AUTS2: variants seen among roughly 807,000 people sequenced by gnomAD.
AUTS2 encodes activator of transcription and developmental regulator AUTS2.
In AUTS2, 17 loss-of-function variants were observed where a neutral mutation model predicts 112.4. The observed-to-expected ratio is 0.15, with a 90% CI of 0.10 to 0.23. The LOEUF (loss-of-function observed/expected upper bound fraction) is 0.23. Ranked by LOEUF, AUTS2 falls within the 10% of genes least tolerant of loss-of-function variation. The pLI is 1.00. For synonymous variants in AUTS2, 751 were observed against 702.7 expected, an observed-to-expected ratio of 1.07 and a Z score of -1.09; for missense variants, 1,510 against 1,701.6, an observed-to-expected ratio of 0.89 and a Z score of 1.98.
chr7:70,057,417 T>G (rs1240784029), intron 2 of AUTS2, among the ~76,000 whole-genome samples: 1 of 151,892 alleles, frequency 6.6e-6, no homozygotes, highest in Non-Finnish European at 1.5e-5. Flanking sequence ...GATAATGGAG[T>G]AGTAGGTCTC....
At chr7:69,815,665 C>T (rs1772985692) in intron 1 of AUTS2, among the ~76,000 whole-genome samples, 1 of 152,154 alleles carries the variant, frequency 6.6e-6, no homozygotes, top group Admixed American at 6.5e-5. Flanking sequence ...CAGGCACATG[C>T]CACCATGCCC....
chr7:69,896,503 C>T (rs1214790238), intron 1 of AUTS2, among the ~76,000 whole-genome samples: 1 of 151,824 alleles, frequency 6.6e-6, no homozygotes, highest in African/African-American at 2.4e-5. Flanking sequence ...TTGCTGTTTG[C>T]TGTGATCCTT....
At chr7:70,059,738 C>T (rs1802157181) in intron 2 of AUTS2, among the ~76,000 whole-genome samples, 2 of 152,024 alleles carry the variant, frequency 1.3e-5, no homozygotes, top group Non-Finnish European at 2.9e-5. Flanking sequence ...GTTATGTTTT[C>T]GATGCCTTCG....
intron 4 of AUTS2, among the ~76,000 whole-genome samples, chr7:70,405,371 A>C (rs994384384): frequency 1.3e-5 from 2 of 152,208 alleles, no homozygotes; most frequent in African/African-American, 4.8e-5. Flanking sequence ...GACATGTTTC[A>C]TGGCGTTCGT....
Position 69,859,771 on chromosome 7 carries a change from C to T in AUTS2, c.310-39515C>T, listed in dbSNP as rs1361082026. On this transcript the variant is annotated intron_variant, in intron 1 of 18. Transcript: ENST00000342771. ...AGTTGCTCTGCTAAAATCCTCTGTT[C>T]TGTCAAGCCTGTCAGAGCCAGAGTG... Among the ~76,000 whole-genome samples, 3 of 152,152 alleles carry T rather than the reference C, an allele frequency of 2.0e-5. No individual in the cohort carries two copies. The South Asian group carries it at 6.2e-4, about 32-fold the overall frequency.
intron 1 of AUTS2, among the ~76,000 whole-genome samples, chr7:69,664,703 C>T (rs1795951686): frequency 2.6e-5 from 4 of 152,154 alleles, no homozygotes; most frequent in Admixed American, 6.5e-5. Flanking sequence ...GGCATCGCCC[C>T]AAACCCCCTG....
At chr7:70,483,044 G>C (rs1797852173) in intron 5 of AUTS2, among the ~76,000 whole-genome samples, 1 of 152,092 alleles carries the variant, frequency 6.6e-6, no homozygotes, top group African/African-American at 2.4e-5. Context: ...TTGTGTGGGG[G>C]GTTGGAGATG....
In AUTS2 at chr7:70,151,898, A is replaced by G. The variant is rs575315243; in HGVS notation, c.660+17327A>G. Among the ~76,000 whole-genome samples the G allele has an allele frequency of 2.6e-5, 4 of 152,336 alleles. No individual in the cohort carries two copies. The East Asian group carries it at 5.8e-4, about 22-fold the overall frequency. ...GAATAAGACCCATAATGAAGAGGAA[A>G]TCAGTCAATCAGAACTGAATCAGAT... On this transcript the variant is annotated intron_variant, in intron 4 of 18. Coordinates refer to ENST00000342771, the MANE Select transcript of AUTS2 (RefSeq NM_015570.4).
intron 2 of AUTS2, among the ~76,000 whole-genome samples, chr7:70,060,427 T>C (rs941962521): frequency 2.0e-5 from 3 of 152,196 alleles, no homozygotes; most frequent in Admixed American, 2.0e-4. Context: ...TGTTAGACTC[T>C]ACCCCAGAAG....
At position 70,606,596 on chromosome 7, in the gene AUTS2, C is replaced by A. The variant is rs190186103; in HGVS notation, c.691-91973C>A. On this transcript the variant is annotated intron_variant, in intron 5 of 18. Coordinates refer to ENST00000342771, the MANE Select transcript of AUTS2 (RefSeq NM_015570.4). ...TTTCTTGGGGCCAGACGTGGTGGCT[C>A]ACGCCTGTAATCTCAGCACTTTGGG... Among the ~76,000 whole-genome samples, 9 of 152,288 alleles carry A rather than the reference C, an allele frequency of 5.9e-5. No individual in the cohort carries two copies. In the East Asian group the frequency reaches 1.7e-3, roughly 29 times the overall value.
At chr7:70,718,014 G>T (rs1231444417) in intron 6 of AUTS2, among the ~76,000 whole-genome samples, 1 of 152,084 alleles carries the variant, frequency 6.6e-6, no homozygotes, top group Non-Finnish European at 1.5e-5. Context: ...TTTGTACATT[G>T]CAACCTTAGC....
At chr7:69,665,253 T>C (rs758073944) in intron 1 of AUTS2, among the ~76,000 whole-genome samples, 1 of 152,150 alleles carries the variant, frequency 6.6e-6, no homozygotes, top group Non-Finnish European at 1.5e-5. Flanking sequence ...TGGATTTGGG[T>C]CATGGTGCTG....
At chr7:70,646,481 C>G (rs1806166757) in intron 5 of AUTS2, among the ~76,000 whole-genome samples, 1 of 152,240 alleles carries the variant, frequency 6.6e-6, no homozygotes, top group Admixed American at 6.5e-5. Flanking sequence ...AGTCAAATGT[C>G]AGAGGCCATT....
chr7:70,743,524 A>G (rs985333731), intron 6 of AUTS2, among the ~76,000 whole-genome samples: 3 of 151,132 alleles, frequency 2.0e-5, no homozygotes, highest in African/African-American at 4.9e-5. Flanking sequence ...CAAAGTGGCT[A>G]TTCCTCAGAC....
chr7:70,261,616 A>C (rs1261949975), intron 4 of AUTS2, among the ~76,000 whole-genome samples: 1 of 152,242 alleles, frequency 6.6e-6, no homozygotes, highest in African/African-American at 2.4e-5. Flanking sequence ...CAAAACATTT[A>C]TATGAACATA....
At chr7:69,954,979 C>T (rs1322001046) in intron 2 of AUTS2, among the ~76,000 whole-genome samples, 1 of 152,180 alleles carries the variant, frequency 6.6e-6, no homozygotes, top group Non-Finnish European at 1.5e-5. Flanking sequence ...GGAACTTCTA[C>T]ATAAATCAAC....
intron 2 of AUTS2, among the ~76,000 whole-genome samples, chr7:69,985,348 G>A (rs1798466655): frequency 6.6e-6 from 1 of 152,042 alleles, no homozygotes; most frequent in Non-Finnish European, 1.5e-5. Flanking sequence ...TGCCTTCACG[G>A]TGCCTCTGAC....
At chr7:70,609,969 T>C (rs201754115) in intron 5 of AUTS2, among the ~76,000 whole-genome samples, 3 of 73,872 alleles carry the variant, frequency 4.1e-5, no homozygotes, top group East Asian at 2.4e-3. Context: ...TTTGTTGTTG[T>C]TGTTGTTGTT....
chr7:69,877,407 G>A (rs554815970), intron 1 of AUTS2, among the ~76,000 whole-genome samples: 46 of 152,146 alleles, frequency 3.0e-4, no homozygotes, highest in Non-Finnish European at 5.4e-4. Context: ...CTAATATATA[G>A]ATCAGAAACA....
Sources: allele counts gnomAD v4.1 joint callset (sites outside exome capture counted in the v4.1 genomes callset), GRCh38; gene constraint gnomAD v4.1.1; transcripts MANE v1.5; gene names NCBI Gene and HGNC (gene_info 2026-07-23, HGNC 2026-07-21).